The following DPYD variants were observed in gnomAD, a reference collection of about 807,000 sequenced individuals.
The protein encoded by DPYD is dihydropyrimidine dehydrogenase.
A neutral mutation model predicts 116.2 loss-of-function variants in DPYD; 109 were observed. The ratio of observed to expected loss-of-function variants is 0.94; its 90% CI spans 0.80 to 1.10. The LOEUF (loss-of-function observed/expected upper bound fraction) is 1.10, where lower values mean the gene tolerates loss of function less well. Ranked by LOEUF, DPYD falls within the 50% of genes least tolerant of loss-of-function variation. The probability of loss-of-function intolerance (pLI) is 0.00; values close to 1 mark genes in which losing one functional copy is unlikely to be tolerated. For missense variants in DPYD, 1,302 were observed against 1,254.5 expected (o/e 1.04, Z -0.57); for synonymous variants, 440 against 432.0 (o/e 1.02, Z -0.23).
intron 14 of DPYD, among the ~76,000 whole-genome samples, chr1:97,429,818 A>G (rs1346186925): frequency 6.6e-6 from 1 of 152,120 alleles, no homozygotes; most frequent in African/African-American, 2.4e-5. Flanking sequence ...CTGAAATTTA[A>G]TGCTATACTC....
intron 2 of DPYD, among the ~76,000 whole-genome samples, chr1:97,837,292 A>T (rs1291400715): frequency 6.6e-6 from 1 of 152,140 alleles, no homozygotes; most frequent in Non-Finnish European, 1.5e-5. Flanking sequence ...CCAGCTGCTA[A>T]AGCAGGAGTT....
At chr1:97,774,174 GA>G (rs1256624938) in intron 3 of DPYD, among the ~76,000 whole-genome samples, 1 of 152,172 alleles carries the variant, frequency 6.6e-6, no homozygotes, top group African/African-American at 2.4e-5. Context: ...CTGTGAGGGG[GA>G]TAAGAGAACG....
intron 15 of DPYD, among the ~76,000 whole-genome samples, chr1:97,374,211 AAC>A (rs1280361808): frequency 2.0e-5 from 3 of 152,224 alleles, no homozygotes. Context: ...CATACTTAAA[AAC>A]AGTTTGTCTA....
At chr1:97,546,866 G>C (rs1298865480) in intron 12 of DPYD, 1 of 1,609,810 alleles carries the variant, frequency 6.2e-7, no homozygotes, top group African/African-American at 1.3e-5. Context: ...CACCCACAGT[G>C]GGATACAGCA....
intron 1 of DPYD, among the ~76,000 whole-genome samples, chr1:97,915,155 C>G (rs1674153347): frequency 6.6e-6 from 1 of 152,056 alleles, no homozygotes; most frequent in Admixed American, 6.6e-5. Flanking sequence ...ATTCAATTCA[C>G]AGAAGAAGAA....
At chr1:97,439,820 C>CT (rs1002635301) in intron 14 of DPYD, among the ~76,000 whole-genome samples, 2 of 151,788 alleles carry the variant, frequency 1.3e-5, no homozygotes, top group Non-Finnish European at 2.9e-5. Context: ...TAACTTGAGA[C>CT]TTTTTTTCAT....
rs975072908 is a variant in DPYD at position 97,882,540 on chromosome 1, G to A, written c.150+724C>T. Reference sequence around the variant, plus strand: ...CATTAATTTGGGAATGTTAATTTGGGGTAATCTGGGGAAATCAGATAAAAA... The same window carrying A: ...CATTAATTTGGGAATGTTAATTTGGAGTAATCTGGGGAAATCAGATAAAAA... On this transcript the variant is annotated intron_variant, in intron 2 of 22. Transcript: ENST00000370192. Among the ~76,000 whole-genome samples the A allele has an allele frequency of 2.0e-5, 3 of 151,898 alleles. No homozygotes were observed. The South Asian group carries it at 6.2e-4, about 32-fold the overall frequency.
At chr1:97,408,124 C>A (rs1024277741) in intron 14 of DPYD, among the ~76,000 whole-genome samples, 5 of 152,140 alleles carry the variant, frequency 3.3e-5, no homozygotes, top group African/African-American at 1.2e-4. Context: ...ACAACCCAAT[C>A]CAGGCTGGAC....
intron 5 of DPYD, among the ~76,000 whole-genome samples, chr1:97,717,973 G>C (rs1662706391): frequency 6.6e-6 from 1 of 151,842 alleles, no homozygotes; most frequent in Non-Finnish European, 1.5e-5. Context: ...CTTTTCCTCT[G>C]GGTAGATACG....
At chr1:97,915,302 C>CA (rs916870097) in intron 1 of DPYD, among the ~76,000 whole-genome samples, 2 of 151,956 alleles carry the variant, frequency 1.3e-5, no homozygotes, top group African/African-American at 4.8e-5. Flanking sequence ...TGGGGAGATA[C>CA]AAAATAAATA....
At chr1:97,092,513 TTTGATCAC>T (rs920948723) in intron 21 of DPYD, among the ~76,000 whole-genome samples, 10 of 152,300 alleles carry the variant, frequency 6.6e-5, no homozygotes, top group Non-Finnish European at 1.3e-4. Context: ...CTTCTCTTTC[TTTGATCAC>T]TTCTTCACAT....
At chr1:97,101,223 T>C (rs898858880) in intron 20 of DPYD, among the ~76,000 whole-genome samples, 7 of 151,922 alleles carry the variant, frequency 4.6e-5, no homozygotes, top group African/African-American at 1.7e-4. Context: ...GACTAAGGTA[T>C]AGTACCAGCT....
intron 19 of DPYD, among the ~76,000 whole-genome samples, chr1:97,226,578 A>T (rs987057948): frequency 8.5e-5 from 13 of 152,224 alleles, no homozygotes; most frequent in African/African-American, 2.9e-4. Context: ...GTTTCTATAA[A>T]TTAACAAAAA....
intron 16 of DPYD, among the ~76,000 whole-genome samples, chr1:97,355,701 T>C (rs1159444025): frequency 6.6e-6 from 1 of 152,200 alleles, no homozygotes; most frequent in Non-Finnish European, 1.5e-5. Context: ...TAGGCCTGCC[T>C]TCCTTCACGT....
intron 18 of DPYD, among the ~76,000 whole-genome samples, chr1:97,258,948 C>G (rs1393833871): frequency 6.6e-6 from 1 of 151,948 alleles, no homozygotes. Flanking sequence ...TATATAAAAC[C>G]TTGTGACTAA....
chr1:97,397,106 G>C (rs1673051749), intron 14 of DPYD, among the ~76,000 whole-genome samples: 1 of 152,120 alleles, frequency 6.6e-6, no homozygotes, highest in African/African-American at 2.4e-5. Flanking sequence ...AATGTTGGTG[G>C]AAAGAAAGAT....
intron 14 of DPYD, among the ~76,000 whole-genome samples, chr1:97,389,132 T>C (rs377539184): frequency 6.6e-6 from 1 of 151,704 alleles, no homozygotes; most frequent in Admixed American, 6.6e-5. Flanking sequence ...GAGGAAGAGA[T>C]AAAATGTGAA....
At chr1:97,319,951 A>C (rs200875541) in intron 16 of DPYD, among the ~76,000 whole-genome samples, 3,406 of 102,572 alleles carry the variant, frequency 0.033, 21 homozygotes, top group Middle Eastern at 0.052. Flanking sequence ...TAAATGTAAT[A>C]CAGCATATAA....
chr1:97,772,742 A>C (rs1666208460), intron 3 of DPYD, among the ~76,000 whole-genome samples: 1 of 152,232 alleles, frequency 6.6e-6, no homozygotes, highest in South Asian at 2.1e-4. Context: ...AGAATCTAGC[A>C]TAACAACAAC....
Sources: gnomAD v4.1 joint callset for allele counts (sites outside exome capture counted in the v4.1 genomes callset) on GRCh38, gnomAD v4.1.1 for gene constraint, MANE v1.5 for transcripts, NCBI Gene and HGNC (gene_info 2026-07-23, HGNC 2026-07-21) for gene names.